The following SLC25A25 variants were observed in gnomAD, a reference collection of about 807,000 sequenced individuals.
SLC25A25 encodes the protein solute carrier family 25 member 25, also known as mitochondrial adenyl nucleotide antiporter SLC25A25.
Under a neutral mutation model 57.7 loss-of-function variants are expected in SLC25A25, and 32 were observed. The ratio of observed to expected loss-of-function variants is 0.55; its 90% CI spans 0.42 to 0.74. The LOEUF (loss-of-function observed/expected upper bound fraction) is 0.74, where lower values mean the gene tolerates loss of function less well. SLC25A25 is among the 30% of genes least tolerant of loss of function. SLC25A25 has a pLI of 0.00. For missense variants in SLC25A25, 556 were observed against 701.3 expected, an observed-to-expected ratio of 0.79 and a Z score of 2.34; for synonymous variants, 306 against 291.2, an observed-to-expected ratio of 1.05 and a Z score of -0.52.
Position 128,103,210 on chromosome 9 carries a change from G to A in SLC25A25, c.625-471G>A, listed in dbSNP as rs934395659. On this transcript the variant is annotated intron_variant, in intron 5 of 10. Coordinates refer to ENST00000373069, the MANE Select transcript of SLC25A25 (RefSeq NM_001330988.2). This position sits in a 1 kb window ranked among gnomAD's most constrained non-coding sequence, Gnocchi z 6.7. ...AGAGGTGGCTCTGATCAGCCCGGAT[G>A]TCACCCGGAGAAAGGTTACGCAGGC... 3.3e-5 allele frequency among the ~76,000 whole-genome samples: 5 copies of A among 152,204 alleles called. No homozygotes were observed. The highest frequency in any genetic ancestry group is 3.3e-4 in the Admixed American group (5 of 15,290).
chr9:128,090,563 C>T (rs548404161), intron 1 of SLC25A25, among the ~76,000 whole-genome samples: 27 of 151,596 alleles, frequency 1.8e-4, no homozygotes, highest in African/African-American at 6.3e-4. Flanking sequence ...GTAATCCCAG[C>T]ACTTTGGGAG....
chr9:128,086,658 T>C (rs1446573812), intron 1 of SLC25A25, among the ~76,000 whole-genome samples: 2 of 151,896 alleles, frequency 1.3e-5, no homozygotes, highest in African/African-American at 4.8e-5. Context: ...GTATATTTTC[T>C]AGAGACAGGG....
intron 1 of SLC25A25, among the ~76,000 whole-genome samples, chr9:128,070,177 G>A (rs1832874298): frequency 1.5e-5 from 2 of 135,430 alleles, no homozygotes; most frequent in Admixed American, 8.4e-5. Flanking sequence ...TGCAAGCTCC[G>A]CCTCCGGGGT....
chr9:128,079,438 A>C (rs1014128417), intron 1 of SLC25A25, among the ~76,000 whole-genome samples: 11 of 135,052 alleles, frequency 8.1e-5, no homozygotes, highest in African/African-American at 3.0e-4. Context: ...AAAAGGGTGG[A>C]GAGAGGGTAG....
chr9:128,106,480 G>C lies in SLC25A25; in HGVS notation c.1172G>C (p.Gly391Ala), dbSNP rs768273167. Residue 391 changes from glycine to alanine, a missense_variant, in exon 9 of 11, where the codon GGC becomes GCC. By Grantham distance (60) the Gly-to-Ala change is moderately conservative. This residue lies in a region of SLC25A25 where 294 missense variants were observed against 389.6 expected (regional missense o/e 0.75). Transcript: ENST00000373069. ...AAAGGCTATGTCCCCAACATGCTGG[G>C]CATCATCCCCTATGCCGGCATCGAC... ...FYKGYVPNMLGIIPYAGIDLA... is the reference protein window; with the variant it reads ...FYKGYVPNMLAIIPYAGIDLA... 1 of 1,612,012 alleles carries C rather than the reference G, an allele frequency of 6.2e-7. No individual in the cohort carries two copies. The highest frequency in any genetic ancestry group is 1.3e-5 in the African/African-American group (1 of 74,908).
chr9:128,077,238 C>G (rs1298347828), intron 1 of SLC25A25, among the ~76,000 whole-genome samples: 4 of 152,176 alleles, frequency 2.6e-5, no homozygotes, highest in African/African-American at 4.8e-5. Context: ...TTGAAAGAAG[C>G]CAGTCGCGGC....
chr9:128,090,191 G>A (rs1354673381), intron 1 of SLC25A25, among the ~76,000 whole-genome samples: 1 of 151,950 alleles, frequency 6.6e-6, no homozygotes, highest in Non-Finnish European at 1.5e-5. Flanking sequence ...TCTATACTTT[G>A]TCATTTAACA....
At chr9:128,070,003 C>T (rs1336810947) in intron 1 of SLC25A25, among the ~76,000 whole-genome samples, 2 of 149,298 alleles carry the variant, frequency 1.3e-5, no homozygotes, top group Non-Finnish European at 3.0e-5. Context: ...CTGCAAGCTC[C>T]GCCTCCCGGG....
intron 1 of SLC25A25, among the ~76,000 whole-genome samples, chr9:128,074,934 G>A (rs995430235): frequency 4.6e-5 from 7 of 151,152 alleles, no homozygotes; most frequent in Admixed American, 6.6e-5. Flanking sequence ...TCAGGAGTTC[G>A]AGACCAGCCT....
chr9:128,098,305 G>C, intron 1 of SLC25A25: 1 of 377,138 alleles, frequency 2.7e-6, no homozygotes, highest in South Asian at 5.5e-5. Context: ...GGGAGGGAGC[G>C]GTGACGTCAG....
chr9:128,089,860 C>T (rs541329664), intron 1 of SLC25A25, among the ~76,000 whole-genome samples: 13 of 152,108 alleles, frequency 8.5e-5, no homozygotes, highest in African/African-American at 3.1e-4. Context: ...GTCTCAGACT[C>T]GTCGGCTCAG....
At chr9:128,086,366 C>A (rs945905343) in intron 1 of SLC25A25, among the ~76,000 whole-genome samples, 1 of 135,658 alleles carries the variant, frequency 7.4e-6, no homozygotes, top group Non-Finnish European at 1.5e-5. Flanking sequence ...AGAGTTTTGC[C>A]CTTGTTGCCC....
chr9:128,090,160 G>A (rs114337124), intron 1 of SLC25A25, among the ~76,000 whole-genome samples: 2 of 151,990 alleles, frequency 1.3e-5, no homozygotes, highest in African/African-American at 4.8e-5. Context: ...GGAATAAATG[G>A]CAGCACACAA....
Position 128,101,241 on chromosome 9 carries a change from G to C in SLC25A25, c.388+19G>C, listed in dbSNP as rs758302974. 1.2e-6 allele frequency: 2 copies of C among 1,614,280 alleles called. No individual in the cohort carries two copies. Among genetic ancestry groups the C allele is most frequent in the Non-Finnish European group, 1.7e-6 (2 of 1,180,058 alleles). On this transcript the variant is annotated intron_variant, in intron 2 of 10. Coordinates refer to ENST00000373069, the MANE Select transcript of SLC25A25 (RefSeq NM_001330988.2). This position sits in a 1 kb window ranked among gnomAD's most constrained non-coding sequence, Gnocchi z 4.9. ...AATGATGGTAAGTGTTGCCTTCAGAGCTGTGGCCGGTCCAGCCTCGGGCCT... is the reference window on the plus strand; with the variant it reads ...AATGATGGTAAGTGTTGCCTTCAGACCTGTGGCCGGTCCAGCCTCGGGCCT...
chr9:128,083,265 GTTT>G (rs140213487), intron 1 of SLC25A25, among the ~76,000 whole-genome samples: 2 of 144,392 alleles, frequency 1.4e-5, no homozygotes, highest in Non-Finnish European at 3.0e-5. Context: ...GTTTTTTTTT[GTTT>G]GTTTTGGTTT....
intron 1 of SLC25A25, among the ~76,000 whole-genome samples, chr9:128,087,397 A>AACTAC (rs1833302405): frequency 6.6e-6 from 1 of 152,062 alleles, no homozygotes; most frequent in African/African-American, 2.4e-5. Flanking sequence ...GAGTAGCTGG[A>AACTAC]ACTACAAGCA....
chr9:128,101,462 C>T lies in SLC25A25; in HGVS notation c.476+66C>T. ...TGAAGGGAAGGCTCTGAGACTAACC[C>T]TCCGATGCCATTCCCTGGGCTGACC... is the stretch of plus-strand genomic sequence containing the variant. On this transcript the variant is annotated intron_variant, in intron 3 of 10. Transcript: ENST00000373069. This position sits in a 1 kb window ranked among gnomAD's most constrained non-coding sequence, Gnocchi z 4.9. The T allele has an allele frequency of 2.6e-6, 4 of 1,546,678 alleles. No homozygotes were observed. The highest frequency in any genetic ancestry group is 1.4e-5 in the African/African-American group (1 of 73,772).
chr9:128,083,312 A>G (rs1207949990), intron 1 of SLC25A25, among the ~76,000 whole-genome samples: 1 of 150,610 alleles, frequency 6.6e-6, no homozygotes, highest in East Asian at 1.9e-4. Flanking sequence ...TTAGAGCTGC[A>G]TATATGACTC....
chr9:128,101,972 C>T lies in SLC25A25; in HGVS notation c.477-108C>T, dbSNP rs1040962425. On this transcript the variant is annotated intron_variant, in intron 3 of 10. Transcript: ENST00000373069. The surrounding 1 kb of genome is among the most constrained non-coding windows in gnomAD (Gnocchi z 4.9). ...CTGCTGTGGCGGGCTCGTCTCGTGC[C>T]GTGCTGTGCCCCTGTCTCTGGGTGT... The T allele has an allele frequency of 2.4e-5, 31 of 1,286,470 alleles. No individual in the cohort carries two copies. The highest frequency in any genetic ancestry group is 7.3e-5 in the African/African-American group (5 of 68,230). 79.7% of individuals were successfully genotyped at this position (1,286,470 alleles called of 1,614,324 possible). A position where few individuals can be genotyped will look rare whatever the true frequency, so the allele number is the denominator to read the frequency against.
Sources: gnomAD v4.1 joint callset for allele counts (sites outside exome capture counted in the v4.1 genomes callset) on GRCh38, gnomAD v4.1.1 for gene constraint, gnomAD v4.1.1 regional missense constraint, Gnocchi (gnomAD v3.1) non-coding constraint, MANE v1.5 for transcripts, NCBI Gene and HGNC (gene_info 2026-07-23, HGNC 2026-07-21) for gene names.